FAM120B: variants seen among roughly 807,000 people sequenced by gnomAD.
FAM120B encodes the protein family with sequence similarity 120 member B.
Under a neutral mutation model 96.3 loss-of-function variants are expected in FAM120B, and 83 were observed. That is an observed-to-expected ratio of 0.86 (90% CI 0.72 to 1.03). The LOEUF is 1.03. Among genes scored for constraint, FAM120B ranks in the 50% least tolerant of loss-of-function variants. The pLI, the probability that FAM120B is intolerant of heterozygous loss-of-function variation, is 0.00. For missense variants in FAM120B, 1,027 were observed against 1,121.2 expected, an observed-to-expected ratio of 0.92 and a Z score of 1.20; for synonymous variants, 407 against 402.7, an observed-to-expected ratio of 1.01 and a Z score of -0.13.
chr6:170,340,702 G>A (rs886891955), intron 4 of FAM120B, among the ~76,000 whole-genome samples: 3 of 152,154 alleles, frequency 2.0e-5, no homozygotes, highest in African/African-American at 7.2e-5. Flanking sequence ...TGTTAATGTT[G>A]ATGCTGTTAC....
intron 4 of FAM120B, among the ~76,000 whole-genome samples, chr6:170,338,844 C>CTTTTT (rs61188907): frequency 1.4e-3 from 119 of 85,382 alleles, no homozygotes; most frequent in East Asian, 5.7e-3. Flanking sequence ...TTGCAACCTG[C>CTTTTT]TTTTTTTTTT....
chr6:170,361,182 C>CTATATATATATACACGTA (rs1554286307), intron 6 of FAM120B, among the ~76,000 whole-genome samples: 1 of 75,520 alleles, frequency 1.3e-5, no homozygotes, highest in Non-Finnish European at 2.4e-5. Context: ...AGCCTTAAAA[C>CTATATATATATACACGTA]TATATATATA....
intron 6 of FAM120B, among the ~76,000 whole-genome samples, chr6:170,378,548 A>T (rs1789716058): frequency 6.6e-6 from 1 of 152,256 alleles, no homozygotes; most frequent in African/African-American, 2.4e-5. Flanking sequence ...CTCTGTGAAG[A>T]GAATGGGTAT....
intron 4 of FAM120B, among the ~76,000 whole-genome samples, chr6:170,343,994 A>G (rs1186001078): frequency 1.3e-5 from 2 of 150,330 alleles, no homozygotes; most frequent in Non-Finnish European, 3.0e-5. Context: ...GGAAGAACGG[A>G]TGAAATCGTT....
intron 1 of FAM120B, among the ~76,000 whole-genome samples, chr6:170,297,293 T>G (rs1246856166): frequency 6.6e-6 from 1 of 152,124 alleles, no homozygotes; most frequent in African/African-American, 2.4e-5. Context: ...CGTGGAAGCT[T>G]TCGAACGCGC....
intron 9 of FAM120B, among the ~76,000 whole-genome samples, chr6:170,399,655 G>C (rs1778432452): frequency 1.5e-5 from 2 of 134,124 alleles, no homozygotes; most frequent in African/African-American, 2.9e-5. Context: ...GTAGAACTAT[G>C]TCATAACTTA....
chr6:170,295,947 G>C lies in FAM120B; in HGVS notation c.48+494G>C, dbSNP rs1783990924. ...GTCGCGTGGCTCAGCTGGCGGCCCCGGCGCAGATGACGGCTCGGCAGCGGG... is the reference window on the plus strand; with the variant it reads ...GTCGCGTGGCTCAGCTGGCGGCCCCCGCGCAGATGACGGCTCGGCAGCGGG... On this transcript the variant is annotated intron_variant, in intron 1 of 10. Coordinates refer to the FAM120B transcript ENST00000537664. The surrounding 1 kb of genome is among the most constrained non-coding windows in gnomAD (Gnocchi z 7.8). Among the ~76,000 whole-genome samples the C allele has an allele frequency of 6.6e-6, 1 of 151,926 alleles. No homozygotes were observed. Among genetic ancestry groups the C allele is most frequent in the African/African-American group, 2.4e-5 (1 of 41,476 alleles).
intron 4 of FAM120B, among the ~76,000 whole-genome samples, chr6:170,347,357 C>T (rs1227183533): frequency 6.6e-6 from 1 of 152,176 alleles, no homozygotes; most frequent in Non-Finnish European, 1.5e-5. Context: ...AGAAACAGCA[C>T]CTTTCTGTTT....
intron 9 of FAM120B, among the ~76,000 whole-genome samples, chr6:170,398,746 A>G (rs58873218): frequency 7.2e-6 from 1 of 138,014 alleles, no homozygotes. Context: ...GGAGTGAGTG[A>G]GAAAGGTAGA....
At chr6:170,331,704 T>G (rs1436332560) in intron 4 of FAM120B, among the ~76,000 whole-genome samples, 1 of 152,254 alleles carries the variant, frequency 6.6e-6, no homozygotes, top group African/African-American at 2.4e-5. Flanking sequence ...AACATTTGAC[T>G]GTTCGTCATT....
At chr6:170,297,526 T>G (rs1784042993) in intron 1 of FAM120B, among the ~76,000 whole-genome samples, 1 of 152,228 alleles carries the variant, frequency 6.6e-6, no homozygotes, top group Non-Finnish European at 1.5e-5. Flanking sequence ...ACATCTGATC[T>G]AATCCTTAAA....
upstream of FAM120B, among the ~76,000 whole-genome samples, chr6:170,301,914 C>A (rs971940878): frequency 2.3e-4 from 35 of 152,202 alleles, no homozygotes; most frequent in Non-Finnish European, 7.4e-5. Context: ...CCCTCCAAGT[C>A]TCTAGGAGGT....
intron 4 of FAM120B, among the ~76,000 whole-genome samples, chr6:170,335,270 A>G (rs1296099111): frequency 6.7e-6 from 1 of 149,870 alleles, no homozygotes; most frequent in Non-Finnish European, 1.5e-5. Flanking sequence ...GTGTGCTCTC[A>G]TTGTTCAACT....
chr6:170,377,083 G>A (rs1269032048), intron 6 of FAM120B, among the ~76,000 whole-genome samples: 7 of 134,476 alleles, frequency 5.2e-5, no homozygotes, highest in African/African-American at 2.0e-4. Flanking sequence ...ACAGGCTCAC[G>A]CTGCTCGGTG....
intron 4 of FAM120B, among the ~76,000 whole-genome samples, chr6:170,343,108 T>C (rs1185777978): frequency 6.6e-6 from 1 of 152,190 alleles, no homozygotes; most frequent in East Asian, 1.9e-4. Context: ...TTTTAGAGAG[T>C]GTACCACTAG....
At chr6:170,321,622 A>C (rs1478546388) in intron 2 of FAM120B, among the ~76,000 whole-genome samples, 1 of 152,060 alleles carries the variant, frequency 6.6e-6, no homozygotes, top group East Asian at 1.9e-4. Flanking sequence ...CAAGTGATCC[A>C]CCTCGACCTC....
chr6:170,356,341 T>C (rs1787951650), intron 5 of FAM120B, among the ~76,000 whole-genome samples: 1 of 152,192 alleles, frequency 6.6e-6, no homozygotes, highest in East Asian at 1.9e-4. Context: ...ATCAATTTTG[T>C]ATTCGCTAGA....
chr6:170,368,816 G>T (rs1231193515), intron 6 of FAM120B, among the ~76,000 whole-genome samples: 1 of 71,926 alleles, frequency 1.4e-5, no homozygotes, highest in Admixed American at 1.4e-4. Flanking sequence ...CTGTCTGCCG[G>T]GGCTGGGGGG....
intron 6 of FAM120B, among the ~76,000 whole-genome samples, chr6:170,387,864 G>A (rs1182535249): frequency 6.6e-6 from 1 of 152,182 alleles, no homozygotes; most frequent in Non-Finnish European, 1.5e-5. Flanking sequence ...TTTGAAGAAA[G>A]TTGTTCAGGA....
Sources: gnomAD v4.1 joint callset for allele counts (sites outside exome capture counted in the v4.1 genomes callset) on GRCh38, gnomAD v4.1.1 for gene constraint, Gnocchi (gnomAD v3.1) non-coding constraint, MANE v1.5 for transcripts, NCBI Gene and HGNC (gene_info 2026-07-23, HGNC 2026-07-21) for gene names.